Variants in PHF20 observed in about 807,000 individuals in gnomAD.
PHF20 encodes the protein PHD finger protein 20, also known as glioma-expressed antigen 2.
Under a neutral mutation model 113.5 loss-of-function variants are expected in PHF20, and 23 were observed. That is an observed-to-expected ratio of 0.20 (90% CI 0.15 to 0.29). The LOEUF (loss-of-function observed/expected upper bound fraction) is 0.29. PHF20 is among the 10% of genes least tolerant of loss of function. The pLI is 1.00. For missense variants in PHF20, 943 were observed against 1,219.6 expected (o/e 0.77, Z 3.38); for synonymous variants, 434 against 457.3 (o/e 0.95, Z 0.65).
In PHF20 at chr20:35,799,235, G is replaced by A. The variant is rs183159723; in HGVS notation, c.-32-2256G>A. Among the ~76,000 whole-genome samples, 3 of 145,064 alleles carry A rather than the reference G, an allele frequency of 2.1e-5. No homozygotes were observed. The East Asian group carries it at 6.2e-4, about 30-fold the overall frequency. On this transcript the variant is annotated intron_variant, in intron 1 of 17. Coordinates refer to ENST00000374012, the MANE Select transcript of PHF20 (RefSeq NM_016436.5). ...AGCACTTTGGGAGGCCCAGGCGGGA[G>A]GATTGCTTGAACCCAGGAGTTTGAG...
At chr20:35,943,684 G>A (rs1379501804) in intron 17 of PHF20, among the ~76,000 whole-genome samples, 5 of 151,998 alleles carry the variant, frequency 3.3e-5, no homozygotes, top group Admixed American at 1.3e-4. Flanking sequence ...GCAGTGGCAC[G>A]ATCTCGGCTC....
intron 2 of PHF20, among the ~76,000 whole-genome samples, chr20:35,813,094 G>T (rs368525638): frequency 1.3e-5 from 2 of 152,002 alleles, no homozygotes; most frequent in Non-Finnish European, 2.9e-5. Flanking sequence ...TCGGCCTCCC[G>T]AGAGCTGGGA....
At chr20:35,788,700 C>T (rs2041476824) in intron 1 of PHF20, among the ~76,000 whole-genome samples, 2 of 152,180 alleles carry the variant, frequency 1.3e-5, no homozygotes, top group Non-Finnish European at 2.9e-5. Context: ...GCCTCAGCCT[C>T]CTGAGTAGCT....
At chr20:35,853,941 A>C (rs967179997) in intron 4 of PHF20, among the ~76,000 whole-genome samples, 1 of 151,870 alleles carries the variant, frequency 6.6e-6, no homozygotes, top group South Asian at 2.1e-4. Context: ...TTTTGTAGAG[A>C]TGGGGTTTCA....
At chr20:35,889,012 T>TC (rs2054793570) in intron 9 of PHF20, among the ~76,000 whole-genome samples, 1 of 72,446 alleles carries the variant, frequency 1.4e-5, no homozygotes, top group Non-Finnish European at 2.5e-5. Flanking sequence ...TTAGTTTCTT[T>TC]TTTTTTTTTT....
Position 35,938,813 on chromosome 20 carries a change from C to T in PHF20, c.2417C>T (p.Ala806Val), listed in dbSNP as rs1265437554. The T allele has an allele frequency of 6.2e-7, 1 of 1,614,080 alleles. No homozygotes were observed. The highest frequency in any genetic ancestry group is 8.5e-7 in the Non-Finnish European group (1 of 1,180,026). ...ACTGACACCAGGAGCAAGGAGGAAG[C>T]TCCAAGCTATAGAACTTTGAACGGG... ...PVTDTRSKEE[A>V]PSYRTLNGAV... Residue 806 changes from alanine to valine, a missense_variant, in exon 16 of 18, where the codon GCT (alanine) becomes GTT (valine). Transcript: ENST00000374012.
chr20:35,860,302 G>A (rs116324252), intron 5 of PHF20, among the ~76,000 whole-genome samples: 1,710 of 146,788 alleles, frequency 0.012, 35 homozygotes, highest in African/African-American at 0.041. Context: ...GTACAGTGAT[G>A]CAATCTAGGC....
intron 7 of PHF20, 76 bp downstream of exon 7, chr20:35,869,627 C>A: frequency 1.3e-6 from 1 of 799,862 alleles, no homozygotes. Flanking sequence ...TCATCCTGTC[C>A]CCCATTCCCT....
chr20:35,899,920 G>A (rs934079599), intron 10 of PHF20, among the ~76,000 whole-genome samples: 1 of 152,188 alleles, frequency 6.6e-6, no homozygotes, highest in Non-Finnish European at 1.5e-5. Flanking sequence ...CAAGCAAAGG[G>A]ACCTTATTCA....
At chr20:35,852,563 C>T (rs1407222865) in intron 4 of PHF20, among the ~76,000 whole-genome samples, 1 of 152,018 alleles carries the variant, frequency 6.6e-6, no homozygotes, top group Non-Finnish European at 1.5e-5. Flanking sequence ...TGCACATCCC[C>T]ACCCCTCAAT....
chr20:35,874,167 G>A (rs1253432940), intron 9 of PHF20, among the ~76,000 whole-genome samples: 3 of 152,060 alleles, frequency 2.0e-5, no homozygotes, highest in African/African-American at 7.2e-5. Context: ...GTAGAGATGG[G>A]GTTTCACCAT....
intron 2 of PHF20, among the ~76,000 whole-genome samples, chr20:35,834,988 G>T (rs551737958): frequency 1.6e-4 from 24 of 152,190 alleles, no homozygotes; most frequent in African/African-American, 5.8e-4. Context: ...CTCAAGAAGA[G>T]GTAGGAGGCC....
chr20:35,801,741 CT>C, intron 2 of PHF20, 136 bp downstream of exon 2: 1 of 602,610 alleles, frequency 1.7e-6, no homozygotes, highest in Non-Finnish European at 3.0e-6. Context: ...AAATGTCAGT[CT>C]TTTCTCTTTG....
At chr20:35,822,441 A>G (rs2146903975) in intron 2 of PHF20, among the ~76,000 whole-genome samples, 1 of 151,902 alleles carries the variant, frequency 6.6e-6, no homozygotes, top group South Asian at 2.1e-4. Context: ...AAAAAGAAAA[A>G]AAGTAAAGGA....
At chr20:35,913,900 C>A in intron 11 of PHF20, 133 bp from the exon 12 acceptor site, 1 of 779,198 alleles carries the variant, frequency 1.3e-6, no homozygotes, top group Non-Finnish European at 2.1e-6. Flanking sequence ...GCTCTCCACA[C>A]CTCTTTTTGG....
intron 1 of PHF20, among the ~76,000 whole-genome samples, chr20:35,797,663 T>TG (rs1273791628): frequency 4.0e-5 from 6 of 150,402 alleles, no homozygotes; most frequent in African/African-American, 1.5e-4. Flanking sequence ...GGCTTTTTTT[T>TG]TTTTTTGAGA....
chr20:35,878,665 C>T (rs1356765121), intron 9 of PHF20: 2 of 788,888 alleles, frequency 2.5e-6, no homozygotes, highest in Non-Finnish European at 4.6e-6. Flanking sequence ...CAGCCCAAGG[C>T]TTTGTTGTAG....
chr20:35,799,447 C>A (rs1569124858), intron 1 of PHF20, among the ~76,000 whole-genome samples: 1 of 151,596 alleles, frequency 6.6e-6, no homozygotes, highest in Non-Finnish European at 1.5e-5. Flanking sequence ...GCCTGGACAA[C>A]AGAATGAGAC....
intron 4 of PHF20, among the ~76,000 whole-genome samples, chr20:35,857,733 C>T (rs1397856404): frequency 6.6e-6 from 1 of 151,694 alleles, no homozygotes. Context: ...TTACAGGTGC[C>T]TGCCACCAAG....
Sources: gnomAD v4.1 joint callset for allele counts (sites outside exome capture counted in the v4.1 genomes callset) on GRCh38, gnomAD v4.1.1 for gene constraint, MANE v1.5 for transcripts, NCBI Gene and HGNC (gene_info 2026-07-23, HGNC 2026-07-21) for gene names.